The following TTC3 variants were observed in gnomAD, a reference collection of about 807,000 sequenced individuals.
TTC3 encodes the protein tetratricopeptide repeat domain 3.
A neutral mutation model predicts 249.6 loss-of-function variants in TTC3; 180 were observed. The observed-to-expected ratio is 0.72, with a 90% CI of 0.64 to 0.82. TTC3 has a LOEUF of 0.82. Ranked by LOEUF, TTC3 falls within the 40% of genes least tolerant of loss-of-function variation. The pLI is 0.00. For synonymous variants in TTC3, 717 were observed against 805.0 expected (o/e 0.89, Z 1.85); for missense variants, 2,061 against 2,398.4 (o/e 0.86, Z 2.94).
Position 37,155,133 on chromosome 21 carries a change from C to T in TTC3, c.2741-1522C>T, listed in dbSNP as rs572217170. Among the ~76,000 whole-genome samples the T allele has an allele frequency of 2.0e-5, 3 of 152,210 alleles. No individual in the cohort carries two copies. The East Asian group carries it at 5.8e-4, about 29-fold the overall frequency. On this transcript the variant is annotated intron_variant, in intron 27 of 45. Transcript: ENST00000355666. ...AATTAGTAAGGCTGTTACTACAGTC[C>T]TGAAGTAAAATGCACACTTACTTAA...
intron 16 of TTC3, among the ~76,000 whole-genome samples, chr21:37,129,727 C>T (rs1479406519): frequency 1.3e-5 from 2 of 152,124 alleles, no homozygotes; most frequent in African/African-American, 4.8e-5. Flanking sequence ...AACTCCTAGA[C>T]TCTAGTGATT....
exon 7 of TTC3, chr21:37,091,412 A>G: frequency 1.9e-6 from 3 of 1,605,228 alleles, no homozygotes; most frequent in Non-Finnish European, 8.5e-7. Context: ...TCTTTACTGA[A>G]TGTAAGTATA....
chr21:37,196,072 C>A, intron 42 of TTC3, 36 bp downstream of exon 42: 1 of 1,603,548 alleles, frequency 6.2e-7, no homozygotes, highest in South Asian at 1.1e-5. Context: ...GTGTTTAATA[C>A]TTTATCGAAC....
chr21:37,101,681 A>T (rs1699657710), intron 10 of TTC3, among the ~76,000 whole-genome samples: 1 of 152,102 alleles, frequency 6.6e-6, no homozygotes. Context: ...CCATTTTTGT[A>T]AGTCAGAATA....
intron 20 of TTC3, among the ~76,000 whole-genome samples, chr21:37,141,849 TTAA>T (rs973894194): frequency 3.9e-5 from 6 of 152,312 alleles, no homozygotes; most frequent in Admixed American, 2.6e-4. Context: ...GCAAAAATCC[TTAA>T]TAAAATACTG....
At chr21:37,090,275 A>G (rs771762415) in exon 6 of TTC3, 1 of 1,605,576 alleles carries the variant, frequency 6.2e-7, no homozygotes, top group South Asian at 1.1e-5. Flanking sequence ...AATTGGTTGT[A>G]AAATAGAAAA....
intron 36 of TTC3, 97 bp downstream of exon 36, chr21:37,183,010 CAAGTAAAGT>C: frequency 9.4e-7 from 1 of 1,060,870 alleles, no homozygotes; most frequent in Non-Finnish European, 1.3e-6. Context: ...TAAACTACAT[CAAGTAAAGT>C]AAAAATGAAT....
chr21:37,132,590 G>A, intron 16 of TTC3, 92 bp from the exon 17 acceptor site: 1 of 907,136 alleles, frequency 1.1e-6, no homozygotes, highest in South Asian at 1.9e-5. Flanking sequence ...TGGGATTACA[G>A]GTATGAGCCA....
chr21:37,168,890 C>A (rs1783038), intron 34 of TTC3, among the ~76,000 whole-genome samples: 13 of 152,288 alleles, frequency 8.5e-5, no homozygotes, highest in African/African-American at 3.1e-4. Context: ...AGTAACTGGG[C>A]CCAGAGGTTC....
At chr21:37,144,722 G>C in intron 21 of TTC3, 77 bp downstream of exon 21, 1 of 1,525,002 alleles carries the variant, frequency 6.6e-7, no homozygotes, top group Non-Finnish European at 8.8e-7. Context: ...TCAGGAGGCG[G>C]AGAGGTAGGA....
intron 28 of TTC3, among the ~76,000 whole-genome samples, chr21:37,158,843 C>G (rs1393281902): frequency 6.6e-6 from 1 of 152,114 alleles, no homozygotes; most frequent in African/African-American, 2.4e-5. Context: ...TGTCCTTGAT[C>G]TGTCCTTTGC....
At chr21:37,122,155 A>C (rs2076634234) in intron 12 of TTC3, among the ~76,000 whole-genome samples, 176 bp downstream of exon 12, 1 of 151,998 alleles carries the variant, frequency 6.6e-6, no homozygotes, top group South Asian at 2.1e-4. Context: ...GTAGAGTTAC[A>C]TGTTATCCAT....
At chr21:37,123,283 G>C (rs572575982) in intron 13 of TTC3, among the ~76,000 whole-genome samples, 2 of 152,268 alleles carry the variant, frequency 1.3e-5, no homozygotes, top group Admixed American at 1.3e-4. Flanking sequence ...GGGGTGAAAT[G>C]TTAATTGGAC....
chr21:37,145,929 C>G lies in TTC3; in HGVS notation c.1893+1284C>G, dbSNP rs555405540. Among the ~76,000 whole-genome samples, 3 of 152,314 alleles carry G rather than the reference C, an allele frequency of 2.0e-5. No homozygotes were observed. The South Asian group carries it at 6.2e-4, about 32-fold the overall frequency. Reference sequence around the variant, plus strand: ...CAAAACACCTCCCACTGTGCCTCACCTCCAACACCGGGGATCAGATTTCAA... The same window carrying G: ...CAAAACACCTCCCACTGTGCCTCACGTCCAACACCGGGGATCAGATTTCAA... On this transcript the variant is annotated intron_variant, in intron 21 of 45. Coordinates refer to ENST00000355666, the Ensembl canonical transcript of TTC3.
At chr21:37,176,042 AAGGCACCGTGCCTGGCCAAAAGGCACGTG>A (rs993540753) in intron 35 of TTC3, among the ~76,000 whole-genome samples, 29 of 152,260 alleles carry the variant, frequency 1.9e-4, no homozygotes, top group East Asian at 5.8e-4. Flanking sequence ...AAGTGCTGGG[AAGGCACCGTGCCTGGCCAAAAGGCACGTG>A]AGGCACCGTG....
At chr21:37,161,585 G>C (rs1287774399) in intron 30 of TTC3, among the ~76,000 whole-genome samples, 2 of 152,206 alleles carry the variant, frequency 1.3e-5, no homozygotes, top group Non-Finnish European at 2.9e-5. Context: ...TAAGTCTTTG[G>C]TGGGTTCTTC....
chr21:37,085,021 A>T (rs2072254390), intron 1 of TTC3, among the ~76,000 whole-genome samples: 1 of 137,974 alleles, frequency 7.2e-6, no homozygotes, highest in Admixed American at 7.2e-5. Flanking sequence ...ACCAAAACAA[A>T]ATAGAAAATA....
At chr21:37,108,568 G>A (rs1430085258) in intron 11 of TTC3, 122 bp downstream of exon 11, 1 of 915,218 alleles carries the variant, frequency 1.1e-6, no homozygotes, top group African/African-American at 1.7e-5. Context: ...TCCAGAATGT[G>A]AAAGGGGAGT....
intron 22 of TTC3, 40 bp downstream of exon 22, chr21:37,147,643 T>A: frequency 6.4e-7 from 1 of 1,561,034 alleles, no homozygotes; most frequent in Non-Finnish European, 8.6e-7. Context: ...ACTTGCAAAA[T>A]CATTTCTTAA....
Sources: gnomAD v4.1 joint callset for allele counts (sites outside exome capture counted in the v4.1 genomes callset) on GRCh38, gnomAD v4.1.1 for gene constraint, MANE v1.5 for transcripts, NCBI Gene and HGNC (gene_info 2026-07-23, HGNC 2026-07-21) for gene names.